PTPRD: variants seen among roughly 807,000 people sequenced by gnomAD.
PTPRD encodes receptor-type tyrosine-protein phosphatase delta.
In PTPRD, 34 loss-of-function variants were observed where a neutral mutation model predicts 214.5. The ratio of observed to expected loss-of-function variants is 0.16; its 90% confidence interval spans 0.12 to 0.21. The LOEUF is 0.21. Ranked by LOEUF, PTPRD falls within the 10% of genes least tolerant of loss-of-function variation. The probability of loss-of-function intolerance (pLI) is 1.00; values close to 1 mark genes in which losing one functional copy is unlikely to be tolerated. For missense variants in PTPRD, 2,545 were observed against 2,398.7 expected (o/e 1.06, Z -1.27); for synonymous variants, 1,128 against 845.7 (o/e 1.33, Z -5.79).
At chr9:9,740,926 T>C (rs1015187622) in intron 6 of PTPRD, among the ~76,000 whole-genome samples, 2 of 152,192 alleles carry the variant, frequency 1.3e-5, no homozygotes, top group Admixed American at 1.3e-4. Context: ...GTATATTCTA[T>C]GTGGCTGAAG....
At chr9:9,258,983 A>C (rs2099978944) in intron 9 of PTPRD, among the ~76,000 whole-genome samples, 1 of 151,712 alleles carries the variant, frequency 6.6e-6, no homozygotes, top group Non-Finnish European at 1.5e-5. Context: ...CTTTATTACA[A>C]TTTCTTGTGG....
intron 9 of PTPRD, among the ~76,000 whole-genome samples, chr9:9,337,787 A>T: frequency 6.6e-6 from 1 of 152,304 alleles, no homozygotes; most frequent in Non-Finnish European, 1.5e-5. Context: ...TGATAACTAT[A>T]TTATGAGTTA....
intron 11 of PTPRD, among the ~76,000 whole-genome samples, chr9:8,841,431 AT>A (rs889032444): frequency 3.3e-5 from 5 of 151,996 alleles, no homozygotes; most frequent in African/African-American, 9.7e-5. Context: ...AACAAGCTTT[AT>A]TTTTTTTAAT....
At chr9:8,514,790 C>T (rs1045980541) in intron 21 of PTPRD, among the ~76,000 whole-genome samples, 1 of 152,056 alleles carries the variant, frequency 6.6e-6, no homozygotes, top group African/African-American at 2.4e-5. Flanking sequence ...GCGTCCCCAC[C>T]CAAATCTCTT....
At chr9:10,273,396 TA>T (rs1447523259) in intron 3 of PTPRD, among the ~76,000 whole-genome samples, 3 of 152,198 alleles carry the variant, frequency 2.0e-5, no homozygotes, top group African/African-American at 7.2e-5. Flanking sequence ...TTTAATACCA[TA>T]ATAGAAATAG....
chr9:8,697,512 T>A (rs2097947157), intron 12 of PTPRD, among the ~76,000 whole-genome samples: 1 of 135,756 alleles, frequency 7.4e-6, no homozygotes, highest in African/African-American at 2.7e-5. Context: ...AATCCCCACC[T>A]CCCAGGTTCA....
chr9:9,195,449 C>T (rs763434038), intron 9 of PTPRD, among the ~76,000 whole-genome samples: 16 of 151,936 alleles, frequency 1.1e-4, no homozygotes, highest in Non-Finnish European at 1.8e-4. Flanking sequence ...TGGTCATATC[C>T]GTAGTAAGCC....
intron 9 of PTPRD, among the ~76,000 whole-genome samples, chr9:9,352,887 T>A (rs761044926): frequency 6.6e-6 from 1 of 151,942 alleles, no homozygotes; most frequent in African/African-American, 2.4e-5. Context: ...ATGGTTTGAG[T>A]GTTCACTCAG....
At chr9:10,157,361 A>C (rs910962482) in intron 3 of PTPRD, among the ~76,000 whole-genome samples, 25 of 152,164 alleles carry the variant, frequency 1.6e-4, no homozygotes, top group African/African-American at 5.8e-4. Flanking sequence ...GCTTGTCTAA[A>C]AGGGATCTTA....
chr9:8,887,632 G>C (rs960911245), intron 11 of PTPRD, among the ~76,000 whole-genome samples: 1 of 152,186 alleles, frequency 6.6e-6, no homozygotes, highest in African/African-American at 2.4e-5. Context: ...CCCATCTAAA[G>C]CTCTTGAAGT....
chr9:9,758,117 T>G (rs1169907307), intron 6 of PTPRD, among the ~76,000 whole-genome samples: 1 of 146,324 alleles, frequency 6.8e-6, no homozygotes, highest in Non-Finnish European at 1.5e-5. Flanking sequence ...GTATTTGAAC[T>G]GCTCAGTTCA....
At chr9:10,319,567 T>A (rs2096513899) in intron 3 of PTPRD, among the ~76,000 whole-genome samples, 1 of 152,042 alleles carries the variant, frequency 6.6e-6, no homozygotes, top group African/African-American at 2.4e-5. Flanking sequence ...TTTCAATTAG[T>A]TTTTGTTAAA....
intron 8 of PTPRD, among the ~76,000 whole-genome samples, chr9:9,571,708 C>A (rs1237615795): frequency 6.6e-6 from 1 of 150,488 alleles, no homozygotes; most frequent in Non-Finnish European, 1.5e-5. Context: ...TTATAATGGG[C>A]AATTCATAAA....
In PTPRD at chr9:9,168,896, AT is replaced by A. The variant is rs944745234; in HGVS notation, c.-143+14407del. 7.6e-4 allele frequency among the ~76,000 whole-genome samples: 115 copies of A among 151,112 alleles called. 2 individuals carry two copies. The highest frequency in any genetic ancestry group is 2.5e-3 in the African/African-American group (104 of 41,360). On this transcript the variant is annotated intron_variant, in intron 10 of 45. Transcript: ENST00000381196. ...TTTTTTAAAAAATATTTATTTATAT[AT>A]TTTTTTTGTAGTGAAGTAGAATGAA...
chr9:8,727,304 T>G (rs1289452121), intron 12 of PTPRD, among the ~76,000 whole-genome samples: 2 of 152,200 alleles, frequency 1.3e-5, no homozygotes, highest in Non-Finnish European at 1.5e-5. Flanking sequence ...TTAATCTTAC[T>G]AGGTAGCTAC....
At chr9:9,342,217 A>T (rs1343226604) in intron 9 of PTPRD, among the ~76,000 whole-genome samples, 5 of 152,198 alleles carry the variant, frequency 3.3e-5, no homozygotes, top group Admixed American at 6.5e-5. Flanking sequence ...AGTGATATTC[A>T]AGCAATACTG....
At chr9:8,890,274 T>A (rs923584861) in intron 11 of PTPRD, among the ~76,000 whole-genome samples, 2 of 152,142 alleles carry the variant, frequency 1.3e-5, no homozygotes, top group Admixed American at 6.5e-5. Context: ...TACAGAAGGG[T>A]AACATTACCT....
At chr9:9,051,453 T>C (rs1052088649) in intron 10 of PTPRD, among the ~76,000 whole-genome samples, 2 of 152,166 alleles carry the variant, frequency 1.3e-5, no homozygotes, top group Non-Finnish European at 2.9e-5. Flanking sequence ...TAAATGCAAA[T>C]GTAGTTAAAT....
At chr9:8,482,552 A>G (rs2135664979) in intron 30 of PTPRD, among the ~76,000 whole-genome samples, 1 of 152,242 alleles carries the variant, frequency 6.6e-6, no homozygotes, top group East Asian at 1.9e-4. Flanking sequence ...GATAGAAGAA[A>G]TGAGAAAGGA....
Sources: gnomAD v4.1 joint callset for allele counts (sites outside exome capture counted in the v4.1 genomes callset) on GRCh38, gnomAD v4.1.1 for gene constraint, MANE v1.5 for transcripts, NCBI Gene and HGNC (gene_info 2026-07-23, HGNC 2026-07-21) for gene names.